PPP1R12B: variants seen among roughly 807,000 people sequenced by gnomAD.
PPP1R12B encodes protein phosphatase 1 regulatory subunit 12B, also known as myosin phosphatase target subunit 2.
PPP1R12B carries 76 observed loss-of-function variants against 126.1 expected under a neutral mutation model. That is an observed-to-expected ratio of 0.60 (90% CI 0.50 to 0.73). The LOEUF is 0.73. Among genes scored for constraint, PPP1R12B ranks in the 30% least tolerant of loss-of-function variants. The pLI, the probability that PPP1R12B is intolerant of heterozygous loss-of-function variation, is 0.00. For missense variants in PPP1R12B, 1,052 were observed against 1,205.1 expected, an observed-to-expected ratio of 0.87 and a Z score of 1.88; for synonymous variants, 356 against 434.7, an observed-to-expected ratio of 0.82 and a Z score of 2.25.
rs573020135 is a variant in PPP1R12B, at chr1:202,534,029, A to G, written c.2491-24848A>G. Reference sequence around the variant, plus strand: ...TTTCTAACTTTATTACCCCTTCTACATTTATTAGTAGGCATTCTATTGTAA... The same window carrying G: ...TTTCTAACTTTATTACCCCTTCTACGTTTATTAGTAGGCATTCTATTGTAA... On this transcript the variant is annotated intron_variant, in intron 18 of 23. Transcript: ENST00000608999. 3.3e-5 allele frequency among the ~76,000 whole-genome samples: 5 copies of G among 152,230 alleles called. No homozygotes were observed. The South Asian group carries it at 1.0e-3, about 32-fold the overall frequency.
At chr1:202,392,536 T>C (rs2148527681) in intron 1 of PPP1R12B, among the ~76,000 whole-genome samples, 1 of 151,962 alleles carries the variant, frequency 6.6e-6, no homozygotes, top group South Asian at 2.1e-4. Flanking sequence ...TTCTTTTTTT[T>C]TTTGAGACAG....
At chr1:202,442,215 A>T (rs1417743999) in intron 11 of PPP1R12B, among the ~76,000 whole-genome samples, 1 of 152,226 alleles carries the variant, frequency 6.6e-6, no homozygotes, top group Non-Finnish European at 1.5e-5. Context: ...GACCTTTGAC[A>T]TGAGGAATTT....
At chr1:202,430,924 T>C in intron 7 of PPP1R12B, 114 bp downstream of exon 7, 1 of 1,403,780 alleles carries the variant, frequency 7.1e-7, no homozygotes, top group Non-Finnish European at 9.3e-7. Flanking sequence ...CCGAGTGATC[T>C]ATAAACTTGT....
chr1:202,493,002 G>A, intron 14 of PPP1R12B, 112 bp from the exon 15 acceptor site: 1 of 1,133,790 alleles, frequency 8.8e-7, no homozygotes, highest in Non-Finnish European at 1.3e-6. Flanking sequence ...ATTTTGAGGG[G>A]CTTCATTTTG....
At position 202,449,158 on chromosome 1, in the gene PPP1R12B, A is replaced by T; in HGVS notation, c.1837A>T (p.Arg613Trp). ...ITGTDSSVEA[R>W]EKRRSYLTPV... ...TGGAACAGATTCCTCTGTGGAAGCC[A>T]GGGAGAAGAGGAGGTATGTTGAGTT... Residue 613 changes from arginine to tryptophan, a missense_variant, in exon 13 of 24, where the codon AGG becomes TGG. Transcript: ENST00000608999. 6.2e-7 allele frequency: 1 copy of T among 1,603,454 alleles called. No homozygotes were observed. Among genetic ancestry groups the T allele is most frequent in the Non-Finnish European group, 8.5e-7 (1 of 1,174,142 alleles).
intron 1 of PPP1R12B, among the ~76,000 whole-genome samples, chr1:202,386,743 T>G (rs1245560700): frequency 6.7e-6 from 1 of 148,410 alleles, no homozygotes; most frequent in Non-Finnish European, 1.5e-5. Context: ...GGTTTTGTTG[T>G]TTTTTTTTTC....
At chr1:202,505,062 A>AGAG (rs1680662181) in intron 18 of PPP1R12B, among the ~76,000 whole-genome samples, 1 of 152,236 alleles carries the variant, frequency 6.6e-6, no homozygotes. Flanking sequence ...AGAGTCACAG[A>AGAG]AGTAGCCCCA....
At chr1:202,523,720 G>T (rs1277353641) in intron 18 of PPP1R12B, among the ~76,000 whole-genome samples, 5 of 151,950 alleles carry the variant, frequency 3.3e-5, no homozygotes, top group Non-Finnish European at 5.9e-5. Flanking sequence ...TTTTTGTTTT[G>T]TTTTGTTTTT....
chr1:202,479,188 G>T (rs541493445), intron 13 of PPP1R12B, among the ~76,000 whole-genome samples: 60 of 152,158 alleles, frequency 3.9e-4, no homozygotes, highest in African/African-American at 1.4e-3. Context: ...ATTGACACAC[G>T]TATTGGAATT....
Position 202,495,377 on chromosome 1 carries a change from TAC to T in PPP1R12B, c.2233_2234del (p.Thr745GlnfsTer9), listed in dbSNP as rs1387668400. On this transcript the variant is annotated frameshift_variant, in exon 16 of 24. Transcript: ENST00000608999. LOFTEE classifies it high-confidence loss of function. ...TCCTTCTACGTCAAGACCCTCACTC[TAC>T]ACCAGTTCCCACCTGCTATGGACAA... Reference protein sequence around the residue: ...ASPSTSRPSLYTSSHLLWTNR... With the variant: ...ASPSTSRPSLXTSSHLLWTNR... 2 of 1,611,004 alleles carry T rather than the reference TAC, an allele frequency of 1.2e-6. No homozygotes were observed. Among genetic ancestry groups the T allele is most frequent in the African/African-American group, 2.7e-5 (2 of 74,866 alleles).
intron 1 of PPP1R12B, among the ~76,000 whole-genome samples, chr1:202,354,710 C>T (rs899937861): frequency 6.6e-6 from 1 of 151,362 alleles, no homozygotes; most frequent in Non-Finnish European, 1.5e-5. Context: ...GTGCAGTGCA[C>T]GATCTCGACT....
intron 2 of PPP1R12B, among the ~76,000 whole-genome samples, 153 bp downstream of exon 2, chr1:202,417,070 A>C (rs910296993): frequency 6.6e-6 from 1 of 152,208 alleles, no homozygotes; most frequent in Non-Finnish European, 1.5e-5. Flanking sequence ...TTAAGCCATA[A>C]CTAATACAAT....
intron 18 of PPP1R12B, among the ~76,000 whole-genome samples, chr1:202,546,910 T>C (rs1004588087): frequency 1.3e-5 from 2 of 152,208 alleles, no homozygotes; most frequent in Non-Finnish European, 2.9e-5. Context: ...ATGTTTCTTT[T>C]TCTAATGGCG....
intron 18 of PPP1R12B, among the ~76,000 whole-genome samples, chr1:202,498,130 A>G (rs1403977802): frequency 6.6e-6 from 1 of 152,192 alleles, no homozygotes; most frequent in Non-Finnish European, 1.5e-5. Flanking sequence ...ATCCTAGCCT[A>G]GAGGGTACCA....
chr1:202,548,426 T>C (rs920083362), intron 18 of PPP1R12B, among the ~76,000 whole-genome samples: 2 of 152,132 alleles, frequency 1.3e-5, no homozygotes, highest in African/African-American at 4.8e-5. Context: ...AGTAGCACCA[T>C]CATGGCTCAC....
At chr1:202,490,196 G>A (rs1558292928) in intron 14 of PPP1R12B, among the ~76,000 whole-genome samples, 2 of 152,202 alleles carry the variant, frequency 1.3e-5, no homozygotes, top group Admixed American at 6.5e-5. Flanking sequence ...AAGAAAATCA[G>A]AAAATAGTAG....
At chr1:202,576,924 G>A (rs1037255566) in intron 23 of PPP1R12B, 4 of 152,012 alleles carry the variant, frequency 2.6e-5, no homozygotes, top group Admixed American at 2.6e-4. Context: ...TCAGGTTCCA[G>A]AGTGCAAACT....
chr1:202,401,790 A>G (rs1665881951), intron 1 of PPP1R12B, among the ~76,000 whole-genome samples: 1 of 152,190 alleles, frequency 6.6e-6, no homozygotes, highest in Non-Finnish European at 1.5e-5. Context: ...GCATCTTACA[A>G]CATCCTCCAT....
rs1455037301 is a variant in PPP1R12B, at chr1:202,589,914, G to C, written c.*9354G>C. 6.6e-6 allele frequency: 1 copy of C among 152,218 alleles called. No individual in the cohort carries two copies. Among genetic ancestry groups the C allele is most frequent in the Non-Finnish European group, 1.5e-5 (1 of 68,090 alleles). The allele number at this position is 152,218 out of a possible 1,614,324, so 9.4% of individuals were successfully genotyped here. A position where few individuals can be genotyped will look rare whatever the true frequency, so the allele number is the denominator to read the frequency against. Reference sequence around the variant, plus strand: ...CCAACGGTGTTCCTGGAGGACAGGTGCTGGTGTAAACTGACAAAAATGGTA... The same window carrying C: ...CCAACGGTGTTCCTGGAGGACAGGTCCTGGTGTAAACTGACAAAAATGGTA... On this transcript the variant is annotated 3_prime_UTR_variant, in exon 24 of 24. Coordinates refer to ENST00000608999, the MANE Select transcript of PPP1R12B (RefSeq NM_002481.4).
Sources: gnomAD v4.1 joint callset for allele counts (sites outside exome capture counted in the v4.1 genomes callset) on GRCh38, gnomAD v4.1.1 for gene constraint, MANE v1.5 for transcripts, NCBI Gene and HGNC (gene_info 2026-07-23, HGNC 2026-07-21) for gene names.